ME3: variants seen among roughly 807,000 people sequenced by gnomAD.
The protein encoded by ME3 is NADP-dependent malic enzyme, mitochondrial.
Under a neutral mutation model 68.9 loss-of-function variants are expected in ME3, and 48 were observed. The observed-to-expected ratio is 0.70, with a 90% CI of 0.55 to 0.89. The LOEUF is 0.89. ME3 is among the 40% of genes least tolerant of loss of function. ME3 has a pLI of 0.00. For synonymous variants in ME3, 320 were observed against 318.8 expected (o/e 1.00, Z -0.04); for missense variants, 675 against 797.4 (o/e 0.85, Z 1.85).
intron 4 of ME3, among the ~76,000 whole-genome samples, chr11:86,535,029 G>A (rs1392657967): frequency 6.6e-6 from 1 of 152,144 alleles, no homozygotes; most frequent in African/African-American, 2.4e-5. Flanking sequence ...TAAAACCACT[G>A]GCCTAGGTAG....
intron 4 of ME3, among the ~76,000 whole-genome samples, chr11:86,539,764 T>C (rs1237495287): frequency 6.6e-6 from 1 of 152,202 alleles, no homozygotes; most frequent in African/African-American, 2.4e-5. Flanking sequence ...TTTGTCCTTT[T>C]AATCTTTTCA....
chr11:86,598,680 G>A (rs1245711342), intron 2 of ME3, among the ~76,000 whole-genome samples: 1 of 152,170 alleles, frequency 6.6e-6, no homozygotes, highest in Non-Finnish European at 1.5e-5. Context: ...CCCCCAAGCA[G>A]CCTAACTGGG....
chr11:86,507,956 G>T (rs538510340), intron 5 of ME3, among the ~76,000 whole-genome samples: 6 of 144,982 alleles, frequency 4.1e-5, no homozygotes, highest in Admixed American at 7.0e-5. Context: ...CAACCTGGAC[G>T]ACAGAGTGAG....
intron 2 of ME3, among the ~76,000 whole-genome samples, chr11:86,591,437 A>T (rs1412177018): frequency 6.6e-6 from 1 of 152,362 alleles, no homozygotes; most frequent in Admixed American, 6.5e-5. Flanking sequence ...GATGGGTGTC[A>T]TAGCAAGAGG....
At chr11:86,534,081 G>GTATATATATATATATATATATATATA (rs57566563) in intron 4 of ME3, among the ~76,000 whole-genome samples, 7 of 127,518 alleles carry the variant, frequency 5.5e-5, no homozygotes, top group African/African-American at 2.2e-4. Context: ...GTGTGTGTGT[G>GTATATATATATATATATATATATATA]TATATATATA....
At chr11:86,535,840 A>G (rs538704473) in intron 4 of ME3, among the ~76,000 whole-genome samples, 2 of 152,314 alleles carry the variant, frequency 1.3e-5, no homozygotes, top group South Asian at 4.1e-4. Context: ...CTAGGATTCT[A>G]TTGGAAGTCA....
At chr11:86,511,595 C>G (rs190534262) in intron 4 of ME3, among the ~76,000 whole-genome samples, 9 of 152,250 alleles carry the variant, frequency 5.9e-5, no homozygotes, top group Non-Finnish European at 1.0e-4. Flanking sequence ...ATAATAGTCT[C>G]TCCATGAAAC....
rs941997843 is a variant in ME3, at chr11:86,541,854, G to A, written c.467+14699C>T. Reference sequence around the variant, plus strand: ...CTGACCCCCATGCCTCCTGACTAGGGTGGGGGACACCTCCCAGCAGGGGTC... The same window carrying A: ...CTGACCCCCATGCCTCCTGACTAGGATGGGGGACACCTCCCAGCAGGGGTC... On this transcript the variant is annotated intron_variant, in intron 4 of 14. Transcript: ENST00000543262. Among the ~76,000 whole-genome samples, 3 of 152,188 alleles carry A rather than the reference G, an allele frequency of 2.0e-5. No individual in the cohort carries two copies. In the East Asian group the frequency reaches 5.8e-4, roughly 29 times the overall value.
At chr11:86,500,730 C>T (rs1952669290) in intron 5 of ME3, among the ~76,000 whole-genome samples, 1 of 152,184 alleles carries the variant, frequency 6.6e-6, no homozygotes, top group African/African-American at 2.4e-5. Flanking sequence ...TCTCATTCTT[C>T]CCAGGCACAC....
chr11:86,640,307 T>C (rs1944588363), intron 2 of ME3, among the ~76,000 whole-genome samples: 2 of 152,188 alleles, frequency 1.3e-5, no homozygotes, highest in South Asian at 2.1e-4. Flanking sequence ...AAGCAAAGTA[T>C]TGAAAGAAGG....
intron 2 of ME3, among the ~76,000 whole-genome samples, chr11:86,599,387 G>A (rs1960180531): frequency 6.6e-6 from 1 of 152,098 alleles, no homozygotes; most frequent in South Asian, 2.1e-4. Flanking sequence ...GAAGCGAGAA[G>A]GGAAGTTTAG....
intron 4 of ME3, among the ~76,000 whole-genome samples, chr11:86,512,411 T>C (rs1219970213): frequency 2.6e-5 from 4 of 152,240 alleles, no homozygotes; most frequent in African/African-American, 9.6e-5. Context: ...AAAGTGTGCA[T>C]CTATTTTTGT....
intron 2 of ME3, among the ~76,000 whole-genome samples, chr11:86,624,287 C>T (rs1379338311): frequency 3.9e-5 from 6 of 152,190 alleles, no homozygotes; most frequent in Non-Finnish European, 7.3e-5. Context: ...CTCCTATTCC[C>T]TATTTCTCTT....
intron 2 of ME3, among the ~76,000 whole-genome samples, chr11:86,596,353 C>G (rs1366815863): frequency 6.6e-6 from 1 of 152,144 alleles, no homozygotes; most frequent in Non-Finnish European, 1.5e-5. Flanking sequence ...CTGTAAATAT[C>G]CTACTTGTAC....
chr11:86,636,013 G>A (rs1480167260), intron 2 of ME3, among the ~76,000 whole-genome samples: 1 of 152,128 alleles, frequency 6.6e-6, no homozygotes, highest in East Asian at 1.9e-4. Context: ...GGAAGCTTTG[G>A]GCTAAAGCTC....
At chr11:86,436,306 T>A (rs989655360), downstream of ME3, 3 of 152,190 alleles carry the variant, frequency 2.0e-5, no homozygotes, top group African/African-American at 7.2e-5. Flanking sequence ...CATTCACCTA[T>A]CTTTTTGGAT....
intron 5 of ME3, 131 bp downstream of exon 5, chr11:86,508,661 G>T: frequency 1.3e-6 from 1 of 786,352 alleles, no homozygotes; most frequent in Non-Finnish European, 2.1e-6. Context: ...ACAGGTCTGT[G>T]GCTTAGGAAT....
At chr11:86,463,642 G>A (rs751550268) in intron 8 of ME3, among the ~76,000 whole-genome samples, 1 of 152,176 alleles carries the variant, frequency 6.6e-6, no homozygotes, top group Admixed American at 6.5e-5. Context: ...CACTCTTCAG[G>A]CACTGAAGTC....
intron 4 of ME3, among the ~76,000 whole-genome samples, chr11:86,552,370 G>T (rs1355839707): frequency 1.3e-5 from 2 of 152,176 alleles, no homozygotes; most frequent in Admixed American, 1.3e-4. Flanking sequence ...GGGCTCCTGA[G>T]TCCCCTCTGA....
Sources: allele counts gnomAD v4.1 joint callset (sites outside exome capture counted in the v4.1 genomes callset), GRCh38; gene constraint gnomAD v4.1.1; transcripts MANE v1.5; gene names NCBI Gene and HGNC (gene_info 2026-07-23, HGNC 2026-07-21).